The following FCHSD2 variants were observed in gnomAD, a reference collection of about 807,000 sequenced individuals.
The protein encoded by FCHSD2 is FCH and double SH3 domains 2, also known as F-BAR and double SH3 domains protein 2.
Under a neutral mutation model 108.1 loss-of-function variants are expected in FCHSD2, and 38 were observed. The observed-to-expected ratio is 0.35, with a 90% confidence interval of 0.27 to 0.46. The LOEUF (loss-of-function observed/expected upper bound fraction) is 0.46. Ranked by LOEUF, FCHSD2 falls within the 20% of genes least tolerant of loss-of-function variation. The pLI, the probability that FCHSD2 is intolerant of heterozygous loss-of-function variation, is 1.00. For synonymous variants in FCHSD2, 279 were observed against 314.7 expected, an observed-to-expected ratio of 0.89 and a Z score of 1.20; for missense variants, 751 against 897.8, an observed-to-expected ratio of 0.84 and a Z score of 2.09.
chr11:72,909,278 C>A (rs1055497138), intron 9 of FCHSD2, among the ~76,000 whole-genome samples: 1 of 152,190 alleles, frequency 6.6e-6, no homozygotes, highest in Non-Finnish European at 1.5e-5. Context: ...CTCGAGTGAT[C>A]TGCCCGCCTC....
chr11:72,897,873 C>G (rs1487023735), intron 10 of FCHSD2, among the ~76,000 whole-genome samples: 1 of 152,102 alleles, frequency 6.6e-6, no homozygotes, highest in Non-Finnish European at 1.5e-5. Flanking sequence ...ATTAAAAAGT[C>G]ATTTCAGCAA....
intron 2 of FCHSD2, among the ~76,000 whole-genome samples, chr11:73,100,111 C>A (rs1363026308): frequency 6.6e-6 from 1 of 152,160 alleles, no homozygotes; most frequent in Non-Finnish European, 1.5e-5. Flanking sequence ...CCCCGCTAAT[C>A]CTCACTGGAA....
intron 4 of FCHSD2, among the ~76,000 whole-genome samples, chr11:73,009,730 T>C (rs1307721827): frequency 6.6e-6 from 1 of 151,996 alleles, no homozygotes; most frequent in African/African-American, 2.4e-5. Context: ...TACCATTCTC[T>C]CTTGGCCTGT....
intron 9 of FCHSD2, among the ~76,000 whole-genome samples, chr11:72,917,407 G>C (rs2135304716): frequency 6.6e-6 from 1 of 152,250 alleles, no homozygotes; most frequent in South Asian, 2.1e-4. Flanking sequence ...AGATGTTCAG[G>C]TTTATTTCTG....
At chr11:72,883,361 A>G (rs138123962) in intron 12 of FCHSD2, among the ~76,000 whole-genome samples, 20 of 152,356 alleles carry the variant, frequency 1.3e-4, no homozygotes, top group Non-Finnish European at 1.8e-4. Flanking sequence ...CTAGAAAATG[A>G]AAAGGTAAGC....
intron 18 of FCHSD2, 80 bp from the exon 19 acceptor site, chr11:72,841,039 G>T: frequency 9.3e-7 from 1 of 1,076,474 alleles, no homozygotes; most frequent in Non-Finnish European, 1.4e-6. Flanking sequence ...ATGGTGGCTT[G>T]AGCCTGTAAT....
chr11:73,141,841 C>G lies in FCHSD2; in HGVS notation c.21+16G>C, dbSNP rs1163056702. ...GCATCTCTCCGAACCCCAAAGCCCC[C>G]CAGCTGCGCCCTTACCTTCCTCGGC... On this transcript the variant is annotated intron_variant, in intron 1 of 19. Coordinates refer to ENST00000409418, the MANE Select transcript of FCHSD2 (RefSeq NM_014824.3). 1.3e-6 allele frequency: 2 copies of G among 1,543,810 alleles called. No homozygotes were observed. Among genetic ancestry groups the G allele is most frequent in the Non-Finnish European group, 1.7e-6 (2 of 1,145,760 alleles).
At chr11:72,989,951 G>A (rs1431052364) in intron 5 of FCHSD2, among the ~76,000 whole-genome samples, 1 of 152,210 alleles carries the variant, frequency 6.6e-6, no homozygotes, top group African/African-American at 2.4e-5. Flanking sequence ...AGGGTGAATA[G>A]TGTGGAGGAG....
intron 10 of FCHSD2, among the ~76,000 whole-genome samples, chr11:72,893,748 CA>C (rs369829973): frequency 1.9e-3 from 197 of 101,050 alleles, no homozygotes; most frequent in African/African-American, 4.4e-3. Context: ...ACTCTGTCTC[CA>C]AAAAAAAAAA....
chr11:72,983,642 A>G, intron 8 of FCHSD2: 1 of 223,680 alleles, frequency 4.5e-6, no homozygotes, highest in South Asian at 5.4e-5. Context: ...TACAGATACA[A>G]TCTAACAAAA....
At chr11:72,845,397 C>T in intron 14 of FCHSD2, among the ~76,000 whole-genome samples, 1 of 143,464 alleles carries the variant, frequency 7.0e-6, no homozygotes, top group Non-Finnish European at 1.5e-5. Context: ...GAGATCACAC[C>T]ACTGCACTCC....
intron 13 of FCHSD2, among the ~76,000 whole-genome samples, chr11:72,865,596 C>T (rs189030245): frequency 5.1e-4 from 77 of 151,494 alleles, no homozygotes; most frequent in African/African-American, 1.7e-3. Context: ...ACAACGAGAA[C>T]AGCCCTTCTT....
At chr11:73,014,003 T>C (rs1018151417) in intron 4 of FCHSD2, among the ~76,000 whole-genome samples, 1 of 152,068 alleles carries the variant, frequency 6.6e-6, no homozygotes, top group African/African-American at 2.4e-5. Context: ...CATCCCATGC[T>C]CACTGTCACC....
chr11:72,991,006 G>T (rs1485851121), intron 5 of FCHSD2, among the ~76,000 whole-genome samples: 2 of 151,948 alleles, frequency 1.3e-5, no homozygotes, highest in Non-Finnish European at 2.9e-5. Context: ...TCAAACAGAC[G>T]CAATAAAAAA....
intron 12 of FCHSD2, among the ~76,000 whole-genome samples, chr11:72,879,575 G>A (rs963653067): frequency 3.9e-5 from 6 of 152,022 alleles, no homozygotes; most frequent in African/African-American, 1.4e-4. Flanking sequence ...GATAAAAGAA[G>A]AACCACATAG....
intron 11 of FCHSD2, among the ~76,000 whole-genome samples, chr11:72,888,197 T>C (rs1855238525): frequency 6.6e-6 from 1 of 152,140 alleles, no homozygotes; most frequent in African/African-American, 2.4e-5. Flanking sequence ...TGAAAAAATC[T>C]AGGTATGGCC....
intron 8 of FCHSD2, among the ~76,000 whole-genome samples, chr11:72,981,384 G>C (rs1854918284): frequency 6.6e-6 from 1 of 152,116 alleles, no homozygotes; most frequent in Non-Finnish European, 1.5e-5. Flanking sequence ...TTTAGGCAGA[G>C]AGCAGATCCC....
intron 9 of FCHSD2, among the ~76,000 whole-genome samples, chr11:72,907,567 C>T (rs373572906): frequency 6.9e-6 from 1 of 145,332 alleles, no homozygotes; most frequent in Admixed American, 6.9e-5. Context: ...TTGTTGAAGG[C>T]CTTTTCTGCA....
At chr11:73,072,168 T>C (rs1370988295) in intron 3 of FCHSD2, among the ~76,000 whole-genome samples, 1 of 150,030 alleles carries the variant, frequency 6.7e-6, no homozygotes, top group African/African-American at 2.5e-5. Context: ...GTATGAATTC[T>C]CCCCTCTCTC....
Sources: allele counts gnomAD v4.1 joint callset (sites outside exome capture counted in the v4.1 genomes callset), GRCh38; gene constraint gnomAD v4.1.1; transcripts MANE v1.5; gene names NCBI Gene and HGNC (gene_info 2026-07-23, HGNC 2026-07-21).